SLC5A4: variants seen among roughly 807,000 people sequenced by gnomAD.
SLC5A4 encodes probable glucose sensor protein SLC5A4.
In SLC5A4, 55 loss-of-function variants were observed where a neutral mutation model predicts 70.3. The observed-to-expected ratio is 0.78, with a 90% CI of 0.63 to 0.98. SLC5A4 has a LOEUF of 0.98. Ranked by LOEUF, SLC5A4 falls within the 50% of genes least tolerant of loss-of-function variation. The pLI is 0.00. For missense variants in SLC5A4, 735 were observed against 839.2 expected, an observed-to-expected ratio of 0.88 and a Z score of 1.53; for synonymous variants, 268 against 305.7, an observed-to-expected ratio of 0.88 and a Z score of 1.29.
chr22:32,277,885 T>C, the SLC5A4 span, among the ~76,000 whole-genome samples: 18,288 of 152,236 alleles, frequency 0.12, 1,488 homozygotes, highest in Non-Finnish European at 0.19. Flanking sequence ...ATTTCAAAGG[T>C]CTAAATCTCA....
At chr22:32,303,720 G>C in the SLC5A4 span, among the ~76,000 whole-genome samples, 1 of 152,164 alleles carries the variant, frequency 6.6e-6, no homozygotes, top group African/African-American at 2.4e-5. Flanking sequence ...TGGACATCTT[G>C]GTTTCTTCCA....
chr22:32,229,608 G>A (rs1925625241), intron 10 of SLC5A4, among the ~76,000 whole-genome samples: 1 of 152,154 alleles, frequency 6.6e-6, no homozygotes, highest in African/African-American at 2.4e-5. Context: ...TTGAACTCAT[G>A]GCTATAGAGA....
At chr22:32,306,548 GTAT>G in the SLC5A4 span, among the ~76,000 whole-genome samples, 1 of 151,570 alleles carries the variant, frequency 6.6e-6, no homozygotes, top group Non-Finnish European at 1.5e-5. Flanking sequence ...TTACACTCCA[GTAT>G]TATTAGGAAT....
Position 32,234,968 on chromosome 22 carries a change from G to A in SLC5A4, c.790C>T (p.His264Tyr). The change falls in exon 8 of 15, where the codon CAC becomes TAC. Residue 264 changes from histidine (H) to tyrosine (Y), a missense_variant. Coordinates refer to ENST00000266086, the MANE Select transcript of SLC5A4 (RefSeq NM_014227.3). ...CCAGTCACAGCATCTCGGAAGATGT[G>A]GAAGGAGTCCGCCCGAGGTGTGTAG... ...SCYTPRADSFHIFRDAVTGDI... is the reference protein window; with the variant it reads ...SCYTPRADSFYIFRDAVTGDI... The A allele has an allele frequency of 6.2e-7, 1 of 1,613,166 alleles. No individual in the cohort carries two copies. The highest frequency in any genetic ancestry group is 8.5e-7 in the Non-Finnish European group (1 of 1,179,972).
At chr22:32,257,012 A>G (rs1339355459), upstream of SLC5A4, among the ~76,000 whole-genome samples, 1 of 152,196 alleles carries the variant, frequency 6.6e-6, no homozygotes, top group East Asian at 1.9e-4. Flanking sequence ...CAGCTGCACT[A>G]TTTTACATTC....
At chr22:32,339,438 C>T in the SLC5A4 span, among the ~76,000 whole-genome samples, 2 of 152,228 alleles carry the variant, frequency 1.3e-5, no homozygotes, top group Non-Finnish European at 2.9e-5. Context: ...TAGACAGGAT[C>T]TGAACTCAGC....
intron 11 of SLC5A4, 44 bp from the exon 12 acceptor site, chr22:32,225,867 A>G: frequency 1.5e-6 from 2 of 1,351,804 alleles, no homozygotes; most frequent in Non-Finnish European, 2.0e-6. Context: ...CAAAAGCACT[A>G]TAGTTACTTC....
At position 32,219,630 on chromosome 22, in the gene SLC5A4, C is replaced by CAAAAAAAAAAAAAAAAAAAAAAA; in HGVS notation, c.1769-906_1769-905insTTTTTTTTTTTTTTTTTTTTTTT. On this transcript the variant is annotated intron_variant, in intron 14 of 14. Coordinates refer to ENST00000266086, the MANE Select transcript of SLC5A4 (RefSeq NM_014227.3). ...ATGAATGAGTTAATATCCAACTTAG[C>CAAAAAAAAAAAAAAAAAAAAAAA]AAAAAAAAAAAAAAAAAAAAAAGAA... 3.5e-4 allele frequency among the ~76,000 whole-genome samples: 10 copies of CAAAAAAAAAAAAAAAAAAAAAAA among 28,862 alleles called. 1 individual carries two copies. Among genetic ancestry groups the CAAAAAAAAAAAAAAAAAAAAAAA allele is most frequent in the African/African-American group, 7.7e-4 (3 of 3,884 alleles). The allele number at this position is 28,862 out of a possible 152,430, so 18.9% of individuals were successfully genotyped here. A position where few individuals can be genotyped will look rare whatever the true frequency, so the allele number is the denominator to read the frequency against.
the SLC5A4 span, among the ~76,000 whole-genome samples, chr22:32,353,725 A>G: frequency 3.2e-4 from 49 of 151,580 alleles, no homozygotes; most frequent in African/African-American, 1.0e-3. Context: ...TGCAGCACCC[A>G]ATGGCGCCCA....
chr22:32,336,285 G>C, the SLC5A4 span, among the ~76,000 whole-genome samples: 1 of 152,214 alleles, frequency 6.6e-6, no homozygotes, highest in African/African-American at 2.4e-5. Flanking sequence ...CAACATAAAG[G>C]AGCAGCCTCT....
At chr22:32,307,839 A>T in the SLC5A4 span, among the ~76,000 whole-genome samples, 1 of 152,214 alleles carries the variant, frequency 6.6e-6, no homozygotes, top group Non-Finnish European at 1.5e-5. Flanking sequence ...GCATGGCCTG[A>T]CTGTCCCAAT....
At chr22:32,291,324 C>T in the SLC5A4 span, among the ~76,000 whole-genome samples, 2 of 151,212 alleles carry the variant, frequency 1.3e-5, no homozygotes, top group Admixed American at 6.6e-5. Context: ...TACAGGCGTG[C>T]GCCACCATGC....
the SLC5A4 span, among the ~76,000 whole-genome samples, chr22:32,292,593 G>A: frequency 1.4e-4 from 21 of 151,376 alleles, 1 homozygote; most frequent in South Asian, 3.1e-3. Flanking sequence ...GAGAAATATG[G>A]TAGAAAATTC....
At chr22:32,293,685 T>G in the SLC5A4 span, among the ~76,000 whole-genome samples, 1 of 152,142 alleles carries the variant, frequency 6.6e-6, no homozygotes, top group African/African-American at 2.4e-5. Context: ...GCCCCAGATA[T>G]AACCTTCCTG....
chr22:32,310,185 G>A, the SLC5A4 span, among the ~76,000 whole-genome samples: 1 of 152,114 alleles, frequency 6.6e-6, no homozygotes. Flanking sequence ...GTGACCTTAG[G>A]TGTCCAGGAG....
Position 32,218,739 on chromosome 22 carries a change from A to T in SLC5A4, c.1769-14T>A. On this transcript the variant is annotated splice_polypyrimidine_tract_variant and intron_variant, in intron 14 of 14. Coordinates refer to ENST00000266086, the MANE Select transcript of SLC5A4 (RefSeq NM_014227.3). Reference sequence around the variant, plus strand: ...TCTCAGGATAATCTGGAACAAAGATAAGCAAATGATTGCAGAAGATCTAGA... The same window carrying T: ...TCTCAGGATAATCTGGAACAAAGATTAGCAAATGATTGCAGAAGATCTAGA... 1.3e-6 allele frequency: 2 copies of T among 1,596,278 alleles called. No homozygotes were observed. The highest frequency in any genetic ancestry group is 1.7e-6 in the Non-Finnish European group (2 of 1,163,986).
chr22:32,324,731 CT>C, the SLC5A4 span, among the ~76,000 whole-genome samples: 32 of 152,308 alleles, frequency 2.1e-4, no homozygotes, highest in South Asian at 6.6e-3. Context: ...CTGTGTGACC[CT>C]GGGCAAGTCA....
At chr22:32,316,966 AAC>A in the SLC5A4 span, among the ~76,000 whole-genome samples, 46 of 99,988 alleles carry the variant, frequency 4.6e-4, 1 homozygote, top group African/African-American at 1.6e-3. Context: ...GTGTGTGTAA[AAC>A]ACAGTCTACC....
intron 9 of SLC5A4, among the ~76,000 whole-genome samples, chr22:32,231,545 C>T (rs1925763513): frequency 6.6e-6 from 1 of 152,216 alleles, no homozygotes. Flanking sequence ...TGATGCCTCA[C>T]CTCTGTGGCA....
Sources: allele counts gnomAD v4.1 joint callset (sites outside exome capture counted in the v4.1 genomes callset), GRCh38; gene constraint gnomAD v4.1.1; transcripts MANE v1.5; gene names NCBI Gene and HGNC (gene_info 2026-07-23, HGNC 2026-07-21).